GABRR1: variants seen among roughly 807,000 people sequenced by gnomAD.
The protein encoded by GABRR1 is gamma-aminobutyric acid type A receptor subunit rho1, also known as gamma-aminobutyric acid receptor subunit rho-1.
In GABRR1, 59 loss-of-function variants were observed where a neutral mutation model predicts 55.5. The observed-to-expected ratio is 1.06, with a 90% confidence interval of 0.86 to 1.32. The LOEUF is 1.32. GABRR1 is among the 40% of genes most tolerant of loss of function. The pLI, the probability that GABRR1 is intolerant of heterozygous loss-of-function variation, is 0.00. For synonymous variants in GABRR1, 213 were observed against 226.0 expected, an observed-to-expected ratio of 0.94 and a Z score of 0.51; for missense variants, 602 against 619.1, an observed-to-expected ratio of 0.97 and a Z score of 0.29.
intron 1 of GABRR1, among the ~76,000 whole-genome samples, chr6:89,211,220 G>A (rs80004954): frequency 0.02 from 3,010 of 152,184 alleles, 115 homozygotes; most frequent in African/African-American, 0.07. Flanking sequence ...ATTTCAAGGC[G>A]TTGAGGGTGA....
At chr6:89,222,697 T>C (rs1400655646) in intron 1 of GABRR1, among the ~76,000 whole-genome samples, 3 of 152,352 alleles carry the variant, frequency 2.0e-5, no homozygotes, top group African/African-American at 7.2e-5. Flanking sequence ...TTGGTGTCAC[T>C]CTGAAAGCAC....
At chr6:89,197,553 C>CA (rs1214113488) in intron 5 of GABRR1, among the ~76,000 whole-genome samples, 1 of 152,230 alleles carries the variant, frequency 6.6e-6, no homozygotes, top group African/African-American at 2.4e-5. Flanking sequence ...TTCAGAATGG[C>CA]ACGTCAAGTC....
intron 1 of GABRR1, among the ~76,000 whole-genome samples, chr6:89,229,049 T>C (rs1376696279): frequency 1.3e-5 from 2 of 152,004 alleles, no homozygotes; most frequent in African/African-American, 2.4e-5. Flanking sequence ...TCTTTGTTGG[T>C]TTAAAATCTG....
At chr6:89,213,391 G>C (rs945698255) in intron 1 of GABRR1, among the ~76,000 whole-genome samples, 10 of 152,234 alleles carry the variant, frequency 6.6e-5, no homozygotes, top group Non-Finnish European at 1.2e-4. Flanking sequence ...TAACCTGGCT[G>C]GTGGGGTATA....
At chr6:89,196,935 C>G (rs899129892) in intron 5 of GABRR1, among the ~76,000 whole-genome samples, 11 of 151,890 alleles carry the variant, frequency 7.2e-5, no homozygotes, top group Non-Finnish European at 7.4e-5. Context: ...ATGAAGACTT[C>G]AGGGAGAACC....
intron 6 of GABRR1, among the ~76,000 whole-genome samples, chr6:89,189,542 G>A (rs1361798383): frequency 7.2e-6 from 1 of 139,044 alleles, no homozygotes; most frequent in Non-Finnish European, 1.6e-5. Context: ...GGATAGCATT[G>A]GGAGATATAC....
At chr6:89,204,155 C>T (rs1246585502) in intron 1 of GABRR1, among the ~76,000 whole-genome samples, 2 of 152,254 alleles carry the variant, frequency 1.3e-5, no homozygotes, top group Non-Finnish European at 2.9e-5. Context: ...GATCACTGAA[C>T]TCTGCCCACA....
At chr6:89,219,886 G>T (rs1276032130), upstream of GABRR1, among the ~76,000 whole-genome samples, 46 of 152,158 alleles carry the variant, frequency 3.0e-4, 1 homozygote, top group Admixed American at 3.0e-3. Flanking sequence ...TGAGAGTCAT[G>T]ATTATATCCT....
intron 5 of GABRR1, among the ~76,000 whole-genome samples, chr6:89,196,885 A>G (rs534998316): frequency 4.5e-4 from 67 of 149,976 alleles, no homozygotes; most frequent in Admixed American, 8.6e-4. Flanking sequence ...GAAAGAGAAG[A>G]GAAGAAAAAA....
chr6:89,188,149 G>C (rs138485845), intron 6 of GABRR1, among the ~76,000 whole-genome samples: 1 of 151,864 alleles, frequency 6.6e-6, no homozygotes, highest in African/African-American at 2.4e-5. Flanking sequence ...TCAGCCTCCC[G>C]AGCAGCTGGG....
rs530722113 is a variant in GABRR1 at position 89,230,512 on chromosome 6, A to G, written c.-411+704T>C. ...GACCCTCAGCTGCAGGTCTGTTGGAATACCCTGCCTTGTGAGGTGTCAGTG... is the reference window on the plus strand; with the variant it reads ...GACCCTCAGCTGCAGGTCTGTTGGAGTACCCTGCCTTGTGAGGTGTCAGTG... On this transcript the variant is annotated intron_variant, in intron 1 of 11. Coordinates refer to the GABRR1 transcript ENST00000369451. Among the ~76,000 whole-genome samples the G allele has an allele frequency of 6.5e-3, 984 of 152,016 alleles. 16 individuals are homozygous for G. The highest frequency in any genetic ancestry group is 0.022 in the African/African-American group (929 of 41,472).
chr6:89,215,810 C>T (rs1772964308), intron 1 of GABRR1, among the ~76,000 whole-genome samples: 1 of 152,110 alleles, frequency 6.6e-6, no homozygotes, highest in Non-Finnish European at 1.5e-5. Context: ...TAATTTGTCA[C>T]TTAAAATTTA....
intron 1 of GABRR1, among the ~76,000 whole-genome samples, chr6:89,211,483 C>T (rs1218038659): frequency 1.3e-5 from 2 of 152,082 alleles, no homozygotes; most frequent in Non-Finnish European, 1.5e-5. Flanking sequence ...TCTCCTCAAC[C>T]CTCTGACATC....
chr6:89,179,198 T>C (rs1429605449), intron 9 of GABRR1, 135 bp from the exon 10 acceptor site: 1 of 935,152 alleles, frequency 1.1e-6, no homozygotes, highest in Non-Finnish European at 1.6e-6. Context: ...GTATCCTGTT[T>C]TGTTTTGTTT....
chr6:89,184,327 C>CA (rs1562284338), intron 7 of GABRR1, among the ~76,000 whole-genome samples: 1 of 147,418 alleles, frequency 6.8e-6, no homozygotes, highest in African/African-American at 2.5e-5. Flanking sequence ...TGTGTCCCTA[C>CA]TTTTTTTTTT....
At chr6:89,187,109 C>T (rs2127792148) in intron 6 of GABRR1, among the ~76,000 whole-genome samples, 1 of 152,170 alleles carries the variant, frequency 6.6e-6, no homozygotes, top group Middle Eastern at 3.4e-3. Flanking sequence ...AGTGTTTGGG[C>T]AGGGAGGAGA....
At chr6:89,190,530 T>C (rs1433562043) in intron 5 of GABRR1, among the ~76,000 whole-genome samples, 5 of 152,242 alleles carry the variant, frequency 3.3e-5, no homozygotes, top group Non-Finnish European at 7.3e-5. Flanking sequence ...TCTCAATGAA[T>C]ATAATAATGT....
At chr6:89,215,720 C>G (rs1772961802) in intron 1 of GABRR1, among the ~76,000 whole-genome samples, 1 of 152,188 alleles carries the variant, frequency 6.6e-6, no homozygotes, top group African/African-American at 2.4e-5. Flanking sequence ...AATGGATACA[C>G]TAATTAGACT....
At position 89,179,227 on chromosome 6, in the gene GABRR1, T is replaced by G. The variant is rs56398219; in HGVS notation, c.1147-164A>C. On this transcript the variant is annotated intron_variant, in intron 9 of 9. Transcript: ENST00000454853. ...TTTGTTTTTGTTTTTGTTTTTTTTT[T>G]GGGGGGGACTTGAGTTTTGCTCTTG... Among the ~76,000 whole-genome samples the G allele has an allele frequency of 7.6e-3, 1,145 of 151,468 alleles. 6 individuals are homozygous for G. The highest frequency in any genetic ancestry group is 0.012 in the Non-Finnish European group (806 of 67,774).
Sources: allele counts gnomAD v4.1 joint callset (sites outside exome capture counted in the v4.1 genomes callset), GRCh38; gene constraint gnomAD v4.1.1; transcripts MANE v1.5; gene names NCBI Gene and HGNC (gene_info 2026-07-23, HGNC 2026-07-21).